SYNJ2BP: variants seen among roughly 807,000 people sequenced by gnomAD.
SYNJ2BP encodes synaptojanin-2-binding protein.
In SYNJ2BP, 10 loss-of-function variants were observed where a neutral mutation model predicts 16.9. That is an observed-to-expected ratio of 0.59 (90% CI 0.36 to 1.00). SYNJ2BP has a LOEUF of 1.00. Among genes scored for constraint, SYNJ2BP ranks in the 50% least tolerant of loss-of-function variants. The pLI is 0.01. For missense variants in SYNJ2BP, 162 were observed against 186.7 expected, an observed-to-expected ratio of 0.87 and a Z score of 0.77; for synonymous variants, 54 against 68.4, an observed-to-expected ratio of 0.79 and a Z score of 1.04.
chr14:70,393,999 A>G (rs1888036222), intron 1 of SYNJ2BP, among the ~76,000 whole-genome samples: 1 of 151,984 alleles, frequency 6.6e-6, no homozygotes, highest in Admixed American at 6.6e-5. Context: ...ACCAAAGGAA[A>G]AAAAAAAGAT....
intron 1 of SYNJ2BP, among the ~76,000 whole-genome samples, chr14:70,415,482 G>C (rs1888584133): frequency 6.6e-6 from 1 of 150,934 alleles, no homozygotes; most frequent in South Asian, 2.1e-4. Flanking sequence ...GCCTAAGAGG[G>C]AGAGGCTGCA....
chr14:70,392,428 T>C (rs921144467), intron 1 of SYNJ2BP, among the ~76,000 whole-genome samples: 1 of 152,162 alleles, frequency 6.6e-6, no homozygotes, highest in East Asian at 1.9e-4. Flanking sequence ...TCTACAAAAA[T>C]AAGAATTATA....
chr14:70,393,213 C>T (rs1267485003), intron 1 of SYNJ2BP, among the ~76,000 whole-genome samples: 4 of 152,220 alleles, frequency 2.6e-5, no homozygotes, highest in Non-Finnish European at 4.4e-5. Context: ...AAGAAAAGCT[C>T]ATCATCACTG....
intron 2 of SYNJ2BP, among the ~76,000 whole-genome samples, chr14:70,381,393 TA>T (rs2140821541): frequency 6.6e-6 from 1 of 152,334 alleles, no homozygotes; most frequent in South Asian, 2.1e-4. Context: ...AATTCTTTCT[TA>T]AAGAACCCTT....
intron 2 of SYNJ2BP, among the ~76,000 whole-genome samples, chr14:70,384,783 A>C (rs1887824732): frequency 6.6e-6 from 1 of 152,194 alleles, no homozygotes. Context: ...TTTTAAGTTT[A>C]AACTTAAAAC....
rs1169727649 is a variant in SYNJ2BP at position 70,384,761 on chromosome 14, T to C, written c.201+3709A>G. ...AGAAGGTACTTGCTTCTCCTTCACCTTAAAAACATGATTTTAAGTTTAAAC... is the reference window on the plus strand; with the variant it reads ...AGAAGGTACTTGCTTCTCCTTCACCCTAAAAACATGATTTTAAGTTTAAAC... On this transcript the variant is annotated intron_variant, in intron 2 of 3. Transcript: ENST00000256366. 2.0e-5 allele frequency among the ~76,000 whole-genome samples: 3 copies of C among 152,214 alleles called. No homozygotes were observed. The East Asian group carries it at 5.8e-4, about 29-fold the overall frequency.
intron 1 of SYNJ2BP, among the ~76,000 whole-genome samples, chr14:70,397,255 T>C (rs1001218336): frequency 1.3e-5 from 2 of 151,724 alleles, no homozygotes; most frequent in Admixed American, 6.6e-5. Flanking sequence ...TGTTATTTGA[T>C]GATGTGTTCT....
intron 2 of SYNJ2BP, among the ~76,000 whole-genome samples, chr14:70,382,523 G>C (rs1416623207): frequency 2.0e-5 from 3 of 152,162 alleles, no homozygotes; most frequent in Non-Finnish European, 4.4e-5. Flanking sequence ...TGTAGGTCTG[G>C]GAAGGGCCCT....
intron 2 of SYNJ2BP, among the ~76,000 whole-genome samples, chr14:70,386,825 T>C (rs1421022625): frequency 6.6e-6 from 1 of 152,116 alleles, no homozygotes; most frequent in Non-Finnish European, 1.5e-5. Flanking sequence ...TGAAACTATA[T>C]AGCAAAAAAT....
At chr14:70,381,239 G>T (rs1255344635) in intron 2 of SYNJ2BP, among the ~76,000 whole-genome samples, 2 of 152,216 alleles carry the variant, frequency 1.3e-5, no homozygotes, top group Non-Finnish European at 2.9e-5. Context: ...GGCAAAAGAA[G>T]ATGTTATAAA....
chr14:70,383,558 C>T (rs2140825217), intron 2 of SYNJ2BP, among the ~76,000 whole-genome samples: 1 of 152,292 alleles, frequency 6.6e-6, no homozygotes, highest in South Asian at 2.1e-4. Flanking sequence ...TAAAATGGAA[C>T]ATTCAACTGT....
At chr14:70,407,623 T>C (rs1002308846) in intron 1 of SYNJ2BP, among the ~76,000 whole-genome samples, 8 of 151,994 alleles carry the variant, frequency 5.3e-5, no homozygotes, top group Non-Finnish European at 1.2e-4. Context: ...TTTAAATAAA[T>C]TCTAAGTATA....
At chr14:70,382,833 T>C (rs1167099764) in intron 2 of SYNJ2BP, among the ~76,000 whole-genome samples, 1 of 152,216 alleles carries the variant, frequency 6.6e-6, no homozygotes, top group African/African-American at 2.4e-5. Context: ...TAAAATGTGT[T>C]TCCTATTTCC....
intron 1 of SYNJ2BP, among the ~76,000 whole-genome samples, chr14:70,414,160 G>A (rs538578708): frequency 1.3e-5 from 2 of 152,252 alleles, no homozygotes; most frequent in South Asian, 4.1e-4. Context: ...AACCAGTTCT[G>A]GTAAGTGATT....
intron 1 of SYNJ2BP, among the ~76,000 whole-genome samples, chr14:70,410,987 G>A (rs1888460291): frequency 6.6e-6 from 1 of 152,034 alleles, no homozygotes; most frequent in African/African-American, 2.4e-5. Context: ...ACCTATACAT[G>A]TACCCCTGAA....
In SYNJ2BP at chr14:70,380,721, T is replaced by C. The variant is rs564744302; in HGVS notation, c.202-4950A>G. Among the ~76,000 whole-genome samples, 8 of 152,084 alleles carry C rather than the reference T, an allele frequency of 5.3e-5. No individual in the cohort carries two copies. The East Asian group carries it at 1.5e-3, about 29-fold the overall frequency. On this transcript the variant is annotated intron_variant, in intron 2 of 3. Coordinates refer to ENST00000256366, the MANE Select transcript of SYNJ2BP (RefSeq NM_018373.3). The stretch of plus-strand genomic sequence containing the variant: ...AGGTATTTATATATTAATATTACTA[T>C]TCATTTGTATATACAGAAGTAGCAT...
chr14:70,383,344 C>A (rs1295396656), intron 2 of SYNJ2BP, among the ~76,000 whole-genome samples: 2 of 152,212 alleles, frequency 1.3e-5, no homozygotes, highest in African/African-American at 2.4e-5. Flanking sequence ...AGCGCAGAGA[C>A]CAGTGTTTCA....
At chr14:70,380,308 T>C (rs1325006448) in intron 2 of SYNJ2BP, among the ~76,000 whole-genome samples, 1 of 152,206 alleles carries the variant, frequency 6.6e-6, no homozygotes, top group Non-Finnish European at 1.5e-5. Flanking sequence ...ATATATGTTG[T>C]AAATTAAATT....
rs576093837 is a variant in SYNJ2BP, at chr14:70,366,536, C to T, written c.*6455G>A. ...GACAAAGTTTTATTAAATACCAATA[C>T]TGGCTAGGCACAATTAGACACATTA... On this transcript the variant is annotated 3_prime_UTR_variant, in exon 4 of 4. Coordinates refer to ENST00000256366, the MANE Select transcript of SYNJ2BP (RefSeq NM_018373.3). 1.3e-5 allele frequency: 2 copies of T among 152,286 alleles called. No individual in the cohort carries two copies. Among genetic ancestry groups the T allele is most frequent in the East Asian group, 3.9e-4 (2 of 5,186 alleles). The allele number at this position is 152,286 out of a possible 1,614,324, so 9.4% of individuals were successfully genotyped here. A position where few individuals can be genotyped will look rare whatever the true frequency, so the allele number is the denominator to read the frequency against.
Sources: gnomAD v4.1 joint callset for allele counts (sites outside exome capture counted in the v4.1 genomes callset) on GRCh38, gnomAD v4.1.1 for gene constraint, MANE v1.5 for transcripts, NCBI Gene and HGNC (gene_info 2026-07-23, HGNC 2026-07-21) for gene names.